The following ATG2B variants were observed in gnomAD, a reference collection of about 807,000 sequenced individuals.
ATG2B encodes the protein autophagy related 2B, also known as autophagy-related protein 2 homolog B.
In ATG2B, 121 loss-of-function variants were observed where a neutral mutation model predicts 241.3. The observed-to-expected ratio is 0.50, with a 90% CI of 0.43 to 0.58. ATG2B has a LOEUF of 0.58. ATG2B is among the 20% of genes least tolerant of loss of function. The probability of loss-of-function intolerance (pLI) is 0.00; values close to 1 mark genes in which losing one functional copy is unlikely to be tolerated. For missense variants in ATG2B, 2,306 were observed against 2,491.6 expected (o/e 0.93, Z 1.59); for synonymous variants, 858 against 876.6 (o/e 0.98, Z 0.37).
intron 14 of ATG2B, among the ~76,000 whole-genome samples, chr14:96,327,481 T>C (rs1887615859): frequency 6.6e-6 from 1 of 152,120 alleles, no homozygotes; most frequent in African/African-American, 2.4e-5. Flanking sequence ...TGATATAATG[T>C]GATGTTCAAT....
Position 96,314,857 on chromosome 14 carries a change from C to T in ATG2B, c.3642+297G>A, listed in dbSNP as rs112933506. ...CTGGGATTACAGGTGCATTCCACCA[C>T]GCCCAGCTAATTTTTGTATTTTTAG... On this transcript the variant is annotated intron_variant, in intron 23 of 41. Transcript: ENST00000359933. Among the ~76,000 whole-genome samples, 10 of 152,310 alleles carry T rather than the reference C, an allele frequency of 6.6e-5. 1 individual carries two copies. The highest frequency in any genetic ancestry group is 2.4e-4 in the African/African-American group (10 of 41,574).
chr14:96,304,720 C>G (rs1217836433), intron 31 of ATG2B, 117 bp from the exon 32 acceptor site: 6 of 716,472 alleles, frequency 8.4e-6, no homozygotes, highest in Non-Finnish European at 1.3e-5. Flanking sequence ...ACAGAGCTAT[C>G]AGAACGCTGC....
chr14:96,322,523 C>A lies in ATG2B; in HGVS notation c.2736+17G>T. On this transcript the variant is annotated intron_variant, in intron 17 of 41. Coordinates refer to ENST00000359933, the MANE Select transcript of ATG2B (RefSeq NM_018036.7). ...GAATAATAGTATTATTCCTTTGTAGCTTGCTCACACTTTTACCTGTTCATT... is the reference window on the plus strand; with the variant it reads ...GAATAATAGTATTATTCCTTTGTAGATTGCTCACACTTTTACCTGTTCATT... 6.3e-7 allele frequency: 1 copy of A among 1,597,194 alleles called. No homozygotes were observed. Among genetic ancestry groups the A allele is most frequent in the Non-Finnish European group, 8.5e-7 (1 of 1,173,778 alleles).
At chr14:96,352,311 A>G (rs985146924) in intron 1 of ATG2B, among the ~76,000 whole-genome samples, 43 of 152,186 alleles carry the variant, frequency 2.8e-4, no homozygotes, top group African/African-American at 9.9e-4. Context: ...ATAAACAACT[A>G]TGCTACCGGC....
intron 12 of ATG2B, 33 bp downstream of exon 12, chr14:96,329,451 A>G (rs1258910109): frequency 2.1e-6 from 3 of 1,459,448 alleles, no homozygotes; most frequent in Non-Finnish European, 2.8e-6. Flanking sequence ...AGATTTAAAA[A>G]ATAATCTTAA....
intron 32 of ATG2B, among the ~76,000 whole-genome samples, chr14:96,303,873 A>G (rs1886863324): frequency 6.6e-6 from 1 of 152,244 alleles, no homozygotes. Flanking sequence ...ATTATCTTGC[A>G]TACCTATGAA....
intron 18 of ATG2B, among the ~76,000 whole-genome samples, chr14:96,321,407 T>A (rs1254803202): frequency 6.6e-6 from 1 of 152,196 alleles, no homozygotes; most frequent in Non-Finnish European, 1.5e-5. Context: ...TGGGTAGGAA[T>A]TATAACAGAC....
intron 34 of ATG2B, among the ~76,000 whole-genome samples, chr14:96,301,482 C>T (rs1272484419): frequency 6.6e-6 from 1 of 152,198 alleles, no homozygotes; most frequent in African/African-American, 2.4e-5. Flanking sequence ...AAGCAAAGCC[C>T]AGAAGAATTT....
chr14:96,286,174 G>A (rs1291945710), intron 41 of ATG2B, among the ~76,000 whole-genome samples, 189 bp from the exon 42 acceptor site: 1 of 152,140 alleles, frequency 6.6e-6, no homozygotes, highest in African/African-American at 2.4e-5. Flanking sequence ...TAACTATAAG[G>A]GAAAGAGGCA....
intron 19 of ATG2B, 84 bp from the exon 20 acceptor site, chr14:96,317,401 CCTG>C (rs1228660248): frequency 2.5e-6 from 3 of 1,199,452 alleles, no homozygotes; most frequent in Non-Finnish European, 1.2e-6. Flanking sequence ...TTTTATATAA[CCTG>C]CTTAGTTTTA....
intron 5 of ATG2B, among the ~76,000 whole-genome samples, 155 bp from the exon 6 acceptor site, chr14:96,341,856 A>G (rs1888045628): frequency 6.6e-6 from 1 of 152,276 alleles, no homozygotes; most frequent in South Asian, 2.1e-4. Context: ...AGCTAAAATG[A>G]AACACAGTCC....
intron 25 of ATG2B, among the ~76,000 whole-genome samples, chr14:96,312,453 T>G (rs1887186913): frequency 6.6e-6 from 1 of 152,188 alleles, no homozygotes; most frequent in Non-Finnish European, 1.5e-5. Context: ...AGTATAAAGA[T>G]AGAGTGGGCC....
In ATG2B at chr14:96,317,329, A is replaced by T; in HGVS notation, c.3038-12T>A. 1 of 1,598,644 alleles carries T rather than the reference A, an allele frequency of 6.3e-7. No homozygotes were observed. Among genetic ancestry groups the T allele is most frequent in the Non-Finnish European group, 8.5e-7 (1 of 1,172,412 alleles). On this transcript the variant is annotated splice_polypyrimidine_tract_variant and intron_variant, in intron 19 of 41. Coordinates refer to ENST00000359933, the MANE Select transcript of ATG2B (RefSeq NM_018036.7). ...TCCACTTTCCTCATCTATGAGAAAT[A>T]AACATACAATTACATTCTGATAGCA...
At chr14:96,294,139 C>A (rs977013611) in intron 36 of ATG2B, among the ~76,000 whole-genome samples, 3 of 152,160 alleles carry the variant, frequency 2.0e-5, no homozygotes, top group African/African-American at 7.2e-5. Context: ...AACGTGACAA[C>A]CCTTCCAATT....
rs927226069 is a variant in ATG2B, at chr14:96,284,218, G to A, written c.*1537C>T. The A allele has an allele frequency of 6.6e-5, 10 of 152,284 alleles. No individual in the cohort carries two copies. The East Asian group carries it at 1.3e-3, about 21-fold the overall frequency. 9.4% of individuals were successfully genotyped at this position (152,284 alleles called of 1,614,324 possible). ...CAGCACGCCTTCCTGTTAGTGTGTCGCCAGGACCAGGCTCTACCCGAATAA... is the reference window on the plus strand; with the variant it reads ...CAGCACGCCTTCCTGTTAGTGTGTCACCAGGACCAGGCTCTACCCGAATAA... On this transcript the variant is annotated 3_prime_UTR_variant, in exon 42 of 42. Coordinates refer to ENST00000359933, the MANE Select transcript of ATG2B (RefSeq NM_018036.7).
In ATG2B at chr14:96,306,795, A is replaced by C; in HGVS notation, c.4425T>G (p.His1475Gln). 6.2e-7 allele frequency: 1 copy of C among 1,614,200 alleles called. No homozygotes were observed. Among genetic ancestry groups the C allele is most frequent in the Non-Finnish European group, 8.5e-7 (1 of 1,180,042 alleles). Residue 1475 changes from histidine to glutamine, a missense_variant, in exon 30 of 42, where the codon CAT (histidine) becomes CAG (glutamine). Around this residue, in one of 2 missense-constraint regions of ATG2B, gnomAD observed 1,927 missense variants for 2,011.2 expected, o/e 0.96. Transcript: ENST00000359933. ...SGPTYASFSH[H>Q]FISDAMTGVP... Reference sequence around the variant, plus strand: ...CACCTGTCATTGCATCACTGATGAAATGGTGAGAGAATGAGGCATAGGTGG... The same window carrying C: ...CACCTGTCATTGCATCACTGATGAACTGGTGAGAGAATGAGGCATAGGTGG...
chr14:96,301,362 C>T (rs1300073343), intron 34 of ATG2B, among the ~76,000 whole-genome samples: 2 of 152,218 alleles, frequency 1.3e-5, no homozygotes, highest in Admixed American at 1.3e-4. Flanking sequence ...CAAACCCATG[C>T]TTCTCGCCAT....
Position 96,290,308 on chromosome 14 carries a change from A to C in ATG2B, c.5856+128T>G. 7.5e-7 allele frequency: 1 copy of C among 1,327,342 alleles called. No individual in the cohort carries two copies. The allele number at this position is 1,327,342 out of a possible 1,614,324, so 82.2% of individuals were successfully genotyped here. A position where few individuals can be genotyped will look rare whatever the true frequency, so the allele number is the denominator to read the frequency against. On this transcript the variant is annotated intron_variant, in intron 40 of 41. Coordinates refer to ENST00000359933, the MANE Select transcript of ATG2B (RefSeq NM_018036.7). The surrounding 1 kb of genome is among the most constrained non-coding windows in gnomAD (Gnocchi z 4.4). ...AAGCAATAAAACAAGCATGACATTA[A>C]ATCACTACGAATAAAGTATCTACTC...
At position 96,285,566 on chromosome 14, in the gene ATG2B, C is replaced by G; in HGVS notation, c.*189G>C. 1.7e-6 allele frequency: 1 copy of G among 602,684 alleles called. No homozygotes were observed. Among genetic ancestry groups the G allele is most frequent in the Non-Finnish European group, 2.9e-6 (1 of 341,918 alleles). 37.3% of individuals were successfully genotyped at this position (602,684 alleles called of 1,614,324 possible). A position where few individuals can be genotyped will look rare whatever the true frequency, so the allele number is the denominator to read the frequency against. ...ACCAGCCACCAAACATTTCTATAGG[C>G]AAGTATCAACTATAAATGTCAGAAG... On this transcript the variant is annotated 3_prime_UTR_variant, in exon 42 of 42. Coordinates refer to ENST00000359933, the MANE Select transcript of ATG2B (RefSeq NM_018036.7). This position sits in a 1 kb window ranked among gnomAD's most constrained non-coding sequence, Gnocchi z 4.2.
Sources: gnomAD v4.1 joint callset for allele counts (sites outside exome capture counted in the v4.1 genomes callset) on GRCh38, gnomAD v4.1.1 for gene constraint, gnomAD v4.1.1 regional missense constraint, Gnocchi (gnomAD v3.1) non-coding constraint, MANE v1.5 for transcripts, NCBI Gene and HGNC (gene_info 2026-07-23, HGNC 2026-07-21) for gene names.